The following ADD1 variants were observed in gnomAD, a reference collection of about 807,000 sequenced individuals.
ADD1 encodes the protein alpha-adducin.
Under a neutral mutation model 80.5 loss-of-function variants are expected in ADD1, and 24 were observed. That is an observed-to-expected ratio of 0.30 (90% CI 0.22 to 0.42). ADD1 has a LOEUF of 0.42. ADD1 is among the 10% of genes least tolerant of loss of function. The pLI is 1.00. For missense variants in ADD1, 948 were observed against 1,019.0 expected (o/e 0.93, Z 0.95); for synonymous variants, 373 against 393.8 (o/e 0.95, Z 0.63).
intron 14 of ADD1, among the ~76,000 whole-genome samples, chr4:2,922,560 A>G (rs1740232553): frequency 6.6e-6 from 1 of 152,130 alleles, no homozygotes; most frequent in African/African-American, 2.4e-5. Flanking sequence ...GCTCTCCTAT[A>G]TGAGGTGTCT....
rs34400467 is a variant in ADD1, at chr4:2,888,400, A to AATTATTATT, written c.510+3759_510+3767dup. On this transcript the variant is annotated intron_variant, in intron 4 of 15. Coordinates refer to ENST00000683351, the MANE Select transcript of ADD1 (RefSeq NM_001354761.2). Reference sequence around the variant, plus strand: ...GGCCCAGCATTATTTGTAATAATGAAATTATTATTATTATTATTATTATTA... The same window carrying AATTATTATT: ...GGCCCAGCATTATTTGTAATAATGAAATTATTATTATTATTATTATTATTATTATTATTA... 9.3e-3 allele frequency among the ~76,000 whole-genome samples: 1,296 copies of AATTATTATT among 139,948 alleles called. 13 individuals are homozygous for AATTATTATT. The highest frequency in any genetic ancestry group is 0.014 in the Non-Finnish European group (914 of 65,296). 91.8% of individuals were successfully genotyped at this position (139,948 alleles called of 152,430 possible).
intron 1 of ADD1, chr4:2,855,179 A>G (rs1017171571): frequency 6.6e-6 from 1 of 152,320 alleles, no homozygotes; most frequent in African/African-American, 2.4e-5. Flanking sequence ...TCTTTGCCAT[A>G]TAAAGTAATA....
rs1404232098 is a variant in ADD1, at chr4:2,914,933, C to T, written c.1841C>T (p.Pro614Leu). 1 of 1,614,028 alleles carries T rather than the reference C, an allele frequency of 6.2e-7. No individual in the cohort carries two copies. The highest frequency in any genetic ancestry group is 1.1e-5 in the South Asian group (1 of 91,048). ...GCCATCATTGAAAAGGAGTACCAGC[C>T]CCACGTCATTGTGAGCACCACGGGC... ...SKAIIEKEYQ[P>L]HVIVSTTGPN... The change falls in exon 14 of 16, where the codon CCC becomes CTC. Residue 614 changes from proline (P) to leucine (L), a missense_variant. Coordinates refer to ENST00000683351, the MANE Select transcript of ADD1 (RefSeq NM_001354761.2).
chr4:2,901,899 A>G (rs1446045125), intron 9 of ADD1: 2 of 148,354 alleles, frequency 1.3e-5, no homozygotes, highest in Non-Finnish European at 3.0e-5. Flanking sequence ...CAAAGAAGGA[A>G]CAAATCCATA....
chr4:2,928,459 A>G lies in ADD1; in HGVS notation c.2336A>G (p.Lys779Arg), dbSNP rs764248918. ...SDGSPGKSPS[K>R]KKKKFRTPSF... ...GGGTCTCCAGGCAAGTCCCCGTCCA[A>G]AAAGAAGAAGAAGTTCCGTACCCCG... is the stretch of plus-strand genomic sequence containing the variant. The change falls in exon 16 of 16, where the codon AAA (lysine) becomes AGA (arginine). Residue 779 changes from lysine (K) to arginine (R), a missense_variant. By Grantham distance (26) the Lys-to-Arg change is conservative. Coordinates refer to ENST00000683351, the MANE Select transcript of ADD1 (RefSeq NM_001354761.2). The G allele has an allele frequency of 5.0e-6, 8 of 1,613,642 alleles. No homozygotes were observed. Among genetic ancestry groups the G allele is most frequent in the East Asian group, 2.2e-5 (1 of 44,884 alleles).
In ADD1 at chr4:2,897,478, A is replaced by G. The variant is rs150855737; in HGVS notation, c.742-706A>G. Among the ~76,000 whole-genome samples, 249 of 149,614 alleles carry G rather than the reference A, an allele frequency of 1.7e-3. 1 individual carries two copies. Among genetic ancestry groups the G allele is most frequent in the African/African-American group, 5.6e-3 (230 of 41,046 alleles). On this transcript the variant is annotated intron_variant, in intron 6 of 15. Coordinates refer to ENST00000683351, the MANE Select transcript of ADD1 (RefSeq NM_001354761.2). ...TTTCACCTAATTTTTAGGTGTTTCAATGTTATCTACAACCTAAGATAAAAA... is the reference window on the plus strand; with the variant it reads ...TTTCACCTAATTTTTAGGTGTTTCAGTGTTATCTACAACCTAAGATAAAAA...
At chr4:2,875,101 C>T (rs951806760) in intron 1 of ADD1, among the ~76,000 whole-genome samples, 11 of 152,026 alleles carry the variant, frequency 7.2e-5, no homozygotes, top group South Asian at 6.2e-4. Flanking sequence ...TGGCGGTGCA[C>T]GCTGATAGTC....
intron 9 of ADD1, among the ~76,000 whole-genome samples, chr4:2,903,721 G>A (rs1736577182): frequency 6.6e-6 from 1 of 152,200 alleles, no homozygotes; most frequent in Non-Finnish European, 1.5e-5. Context: ...AAGGTGGGAG[G>A]GGATTACAGG....
At chr4:2,871,641 G>C (rs532652753) in intron 1 of ADD1, among the ~76,000 whole-genome samples, 1 of 152,150 alleles carries the variant, frequency 6.6e-6, no homozygotes, top group African/African-American at 2.4e-5. Context: ...AAAATAGACA[G>C]CACGGTGTGA....
intron 1 of ADD1, among the ~76,000 whole-genome samples, chr4:2,870,571 T>A (rs765813903): frequency 6.6e-6 from 1 of 152,226 alleles, no homozygotes. Context: ...TAGCAAGAAT[T>A]TGTATAATGC....
At chr4:2,859,194 A>C (rs35917806) in intron 1 of ADD1, among the ~76,000 whole-genome samples, 2 of 152,252 alleles carry the variant, frequency 1.3e-5, no homozygotes, top group African/African-American at 4.8e-5. Flanking sequence ...TAAAATGTTT[A>C]TCAGAGATAA....
intron 14 of ADD1, among the ~76,000 whole-genome samples, chr4:2,922,055 T>C (rs1740143898): frequency 6.6e-6 from 1 of 152,082 alleles, no homozygotes; most frequent in Non-Finnish European, 1.5e-5. Context: ...TCAAGGTTCT[T>C]AGCCTCCTTG....
chr4:2,894,513 AAAAAAAAAAAAAG>A lies in ADD1; in HGVS notation c.592-64_592-52del, dbSNP rs1185546175. The A allele has an allele frequency of 4.9e-6, 7 of 1,430,276 alleles. No homozygotes were observed. The African/African-American group carries it at 7.4e-5, about 15-fold the overall frequency. 88.6% of individuals were successfully genotyped at this position (1,430,276 alleles called of 1,614,324 possible). A position where few individuals can be genotyped will look rare whatever the true frequency, so the allele number is the denominator to read the frequency against. On this transcript the variant is annotated intron_variant, in intron 5 of 15. Coordinates refer to ENST00000683351, the MANE Select transcript of ADD1 (RefSeq NM_001354761.2). Reference sequence around the variant, plus strand: ...GCGACAGAGCCAGACCCTATCAAAAAAAAAAAAAAAAAGAAAAGAAAAAATGAAGTCCTCTTGG... The same window carrying A: ...GCGACAGAGCCAGACCCTATCAAAAAAAAAGAAAAAATGAAGTCCTCTTGG...
Position 2,929,915 on chromosome 4 carries a change from A to T in ADD1, c.*1392A>T, listed in dbSNP as rs938668828. The stretch of plus-strand genomic sequence containing the variant: ...CCTCCTTTACCCCACATATGCAATG[A>T]CTTTTAATTTTCACTTTTGTAGTTT... On this transcript the variant is annotated 3_prime_UTR_variant, in exon 16 of 16. Coordinates refer to ENST00000683351, the MANE Select transcript of ADD1 (RefSeq NM_001354761.2). The T allele has an allele frequency of 2.0e-5, 3 of 152,666 alleles. No homozygotes were observed. The highest frequency in any genetic ancestry group is 7.2e-5 in the African/African-American group (3 of 41,464). 9.5% of individuals were successfully genotyped at this position (152,666 alleles called of 1,614,324 possible).
At chr4:2,852,247 C>T (rs539542972) in intron 1 of ADD1, among the ~76,000 whole-genome samples, 1 of 66,250 alleles carries the variant, frequency 1.5e-5, no homozygotes, top group African/African-American at 5.3e-5. Context: ...TTCTTTCTTT[C>T]TCTTTCTTTC....
chr4:2,888,000 A>T (rs993148563), intron 4 of ADD1, among the ~76,000 whole-genome samples: 1 of 152,220 alleles, frequency 6.6e-6, no homozygotes, highest in African/African-American at 2.4e-5. Flanking sequence ...TTAAGCTTAC[A>T]GTTGGAAATA....
At chr4:2,874,089 C>T (rs1730867418) in intron 1 of ADD1, among the ~76,000 whole-genome samples, 1 of 151,948 alleles carries the variant, frequency 6.6e-6, no homozygotes, top group African/African-American at 2.4e-5. Context: ...TGATGTGGGC[C>T]TGTAGTCTCA....
chr4:2,856,167 C>T (rs916621493), intron 1 of ADD1, among the ~76,000 whole-genome samples: 1 of 152,022 alleles, frequency 6.6e-6, no homozygotes, highest in African/African-American at 2.4e-5. Context: ...GCTAGGATTA[C>T]AGGCATGAGC....
chr4:2,922,882 A>G (rs1005133999), intron 14 of ADD1, among the ~76,000 whole-genome samples: 8 of 152,232 alleles, frequency 5.3e-5, no homozygotes, highest in Non-Finnish European at 1.5e-5. Flanking sequence ...GTGGCTTTGC[A>G]TAGCTGCGGT....
Sources: allele counts gnomAD v4.1 joint callset (sites outside exome capture counted in the v4.1 genomes callset), GRCh38; gene constraint gnomAD v4.1.1; transcripts MANE v1.5; gene names NCBI Gene and HGNC (gene_info 2026-07-23, HGNC 2026-07-21).